ANKMY1: variants seen among roughly 807,000 people sequenced by gnomAD.
ANKMY1 encodes the protein ankyrin repeat and MYND domain containing 1.
A neutral mutation model predicts 102.0 loss-of-function variants in ANKMY1; 98 were observed. That is an observed-to-expected ratio of 0.96 (90% confidence interval 0.82 to 1.14). The LOEUF (loss-of-function observed/expected upper bound fraction) is 1.14, where lower values mean the gene tolerates loss of function less well. ANKMY1 is among the 50% of genes most tolerant of loss of function. The probability of loss-of-function intolerance (pLI) is 0.00; values close to 1 mark genes in which losing one functional copy is unlikely to be tolerated. For missense variants in ANKMY1, 1,330 were observed against 1,347.6 expected (o/e 0.99, Z 0.20); for synonymous variants, 582 against 559.9 (o/e 1.04, Z -0.56).
At chr2:240,484,522 C>T (rs1173846973) in intron 15 of ANKMY1, among the ~76,000 whole-genome samples, 1 of 152,100 alleles carries the variant, frequency 6.6e-6, no homozygotes, top group Non-Finnish European at 1.5e-5. Context: ...GAAACTGGAC[C>T]CCTTCTTTAC....
chr2:240,513,012 G>A lies in ANKMY1; in HGVS notation c.2005-70C>T. ...GGGAGAGACAGGTGAGGTACCTGAGGGACCCAAATGCCAGGGAAATGGCTG... is the reference window on the plus strand; with the variant it reads ...GGGAGAGACAGGTGAGGTACCTGAGAGACCCAAATGCCAGGGAAATGGCTG... On this transcript the variant is annotated intron_variant, in intron 9 of 17. Coordinates refer to ENST00000401804, the MANE Select transcript of ANKMY1 (RefSeq NM_001282771.3). 4.5e-6 allele frequency: 7 copies of A among 1,542,980 alleles called. No homozygotes were observed. In the Middle Eastern group the frequency reaches 5.5e-4, roughly 122 times the overall value.
At chr2:240,511,013 C>A (rs6712543) in intron 11 of ANKMY1, among the ~76,000 whole-genome samples, 1 of 151,760 alleles carries the variant, frequency 6.6e-6, no homozygotes. Flanking sequence ...CAGGGCAGAG[C>A]GCCTGGCCCC....
chr2:240,526,524 C>G, intron 5 of ANKMY1, 79 bp from the exon 6 acceptor site: 1 of 1,575,368 alleles, frequency 6.3e-7, no homozygotes, highest in Non-Finnish European at 8.6e-7. Flanking sequence ...GGACCACCTC[C>G]CTCCAATGCC....
At chr2:240,526,670 T>C (rs2152387372) in intron 5 of ANKMY1, 1 of 1,427,100 alleles carries the variant, frequency 7.0e-7, no homozygotes, top group Non-Finnish European at 9.1e-7. Context: ...TCAAGATGCT[T>C]GGGCTATATG....
At chr2:240,535,693 A>T (rs915637861) in intron 4 of ANKMY1, among the ~76,000 whole-genome samples, 1 of 152,224 alleles carries the variant, frequency 6.6e-6, no homozygotes, top group African/African-American at 2.4e-5. Context: ...CCATCTGGTA[A>T]GAATTTATGG....
At chr2:240,513,344 A>G (rs1213956331) in intron 9 of ANKMY1, among the ~76,000 whole-genome samples, 1 of 151,710 alleles carries the variant, frequency 6.6e-6, no homozygotes, top group Non-Finnish European at 1.5e-5. Context: ...TCCATTCTCC[A>G]CTCACAGTGT....
chr2:240,544,285 C>T (rs1310744439), intron 4 of ANKMY1, among the ~76,000 whole-genome samples: 1 of 152,168 alleles, frequency 6.6e-6, no homozygotes, highest in African/African-American at 2.4e-5. Context: ...AAATTTAGGA[C>T]AAATCAGAAA....
At position 240,557,388 on chromosome 2, in the gene ANKMY1, G is replaced by A. The variant is rs1553606875; in HGVS notation, c.-17-36C>T. 6 of 1,419,386 alleles carry A rather than the reference G, an allele frequency of 4.2e-6. No individual in the cohort carries two copies. In the South Asian group the frequency reaches 9.2e-5, roughly 22 times the overall value. 87.9% of individuals were successfully genotyped at this position (1,419,386 alleles called of 1,614,324 possible). A position where few individuals can be genotyped will look rare whatever the true frequency, so the allele number is the denominator to read the frequency against. On this transcript the variant is annotated intron_variant, in intron 1 of 17. Transcript: ENST00000401804. ...CGTCAGGACCGCACATGTGCCCCCA[G>A]GGCTCCCGCCGCGAACTCAGAGGGC...
chr2:240,510,922 G>A (rs1374245041), intron 11 of ANKMY1, among the ~76,000 whole-genome samples: 2 of 152,018 alleles, frequency 1.3e-5, no homozygotes, highest in African/African-American at 4.8e-5. Context: ...CCTTCACGGT[G>A]GGAGCCTTGA....
rs781721171 is a variant in ANKMY1, at chr2:240,500,576, C to A, written c.2527-11G>T. On this transcript the variant is annotated splice_polypyrimidine_tract_variant and intron_variant, in intron 13 of 17. Coordinates refer to ENST00000401804, the MANE Select transcript of ANKMY1 (RefSeq NM_001282771.3). ...GATGAGTCGGTCAATCTGTGGAGAA[C>A]AGAACCAGGTCAAACACGCAAGGAC... The A allele has an allele frequency of 1.2e-6, 2 of 1,612,290 alleles. No homozygotes were observed. Among genetic ancestry groups the A allele is most frequent in the Non-Finnish European group, 1.7e-6 (2 of 1,178,640 alleles).
chr2:240,521,491 C>CA (rs2082260706), intron 8 of ANKMY1, among the ~76,000 whole-genome samples: 1 of 69,592 alleles, frequency 1.4e-5, no homozygotes, highest in African/African-American at 6.0e-5. Flanking sequence ...GGTGTTACAG[C>CA]TTTTTTTTTT....
rs186349038 is a variant in ANKMY1, at chr2:240,510,078, C to T, written c.2287-623G>A. On this transcript the variant is annotated intron_variant, in intron 11 of 17. Transcript: ENST00000401804. ...CCTTCCCCATTCTTGCCCTCCCTGCCTCCCTGCCCCCCTGCTTCCCTGCCT... is the reference window on the plus strand; with the variant it reads ...CCTTCCCCATTCTTGCCCTCCCTGCTTCCCTGCCCCCCTGCTTCCCTGCCT... Among the ~76,000 whole-genome samples, 28 of 148,654 alleles carry T rather than the reference C, an allele frequency of 1.9e-4. No homozygotes were observed. In the East Asian group the frequency reaches 4.4e-3, roughly 24 times the overall value.
chr2:240,481,822 G>A (rs2075428360), intron 16 of ANKMY1, among the ~76,000 whole-genome samples: 4 of 152,132 alleles, frequency 2.6e-5, no homozygotes, highest in Admixed American at 2.6e-4. Context: ...GCCTCCACAG[G>A]ACATCTTGCA....
At chr2:240,503,661 C>G (rs749688133) in intron 13 of ANKMY1, among the ~76,000 whole-genome samples, 1 of 152,132 alleles carries the variant, frequency 6.6e-6, no homozygotes, top group Non-Finnish European at 1.5e-5. Context: ...CACCATGGGC[C>G]GAGGCCAAGA....
chr2:240,551,323 A>T (rs1187228841), intron 4 of ANKMY1, among the ~76,000 whole-genome samples: 1 of 152,182 alleles, frequency 6.6e-6, no homozygotes, highest in African/African-American at 2.4e-5. Context: ...TTTCTCCAGA[A>T]TTTTTAAACT....
At chr2:240,471,219 C>T in the ANKMY1 span, among the ~76,000 whole-genome samples, 2 of 151,570 alleles carry the variant, frequency 1.3e-5, 1 homozygote, top group South Asian at 4.2e-4. Context: ...GTGAGATTCC[C>T]TCAGAGAAAT....
chr2:240,523,913 T>C lies in ANKMY1; in HGVS notation c.1804A>G (p.Met602Val), dbSNP rs777929478. 40 of 1,613,576 alleles carry C rather than the reference T, an allele frequency of 2.5e-5. No homozygotes were observed. The highest frequency in any genetic ancestry group is 3.1e-5 in the Non-Finnish European group (36 of 1,180,008). Reference protein sequence around the residue: ...PCTSSFDKGTMRRMALSMIER... With the variant: ...PCTSSFDKGTVRRMALSMIER... The stretch of plus-strand genomic sequence containing the variant: ...ATCATGGACAGCGCCATCCTCCGCA[T>C]GGTCCCTTTGTCGAAGCTGCTGGTG... Residue 602 changes from methionine (M) to valine (V), a missense_variant, in exon 8 of 18, where the codon ATG (methionine) becomes GTG (valine). Met to Val is a conservative substitution (Grantham distance 21). Coordinates refer to ENST00000401804, the MANE Select transcript of ANKMY1 (RefSeq NM_001282771.3).
At chr2:240,495,404 A>C (rs1176051209) in intron 15 of ANKMY1, among the ~76,000 whole-genome samples, 1 of 145,784 alleles carries the variant, frequency 6.9e-6, no homozygotes, top group Non-Finnish European at 1.5e-5. Flanking sequence ...CTCCTGGTCC[A>C]CTTTCATGTT....
rs770703074 is a variant in ANKMY1 at position 240,481,022 on chromosome 2, G to T, written c.2961C>A (p.Tyr987Ter). 3.7e-6 allele frequency: 6 copies of T among 1,613,988 alleles called. No individual in the cohort carries two copies. The highest frequency in any genetic ancestry group is 3.3e-5 in the Admixed American group (2 of 60,018). ...AGTACTTGCTGCAGGTCAGGATCCC[G>T]TAGCAGCGAGGGCAGGGCAAGAGGC... ...GVRLLPCPRC[Y>*]GILTCSKYCK... Residue 987 changes from tyrosine (Y) to a stop codon, truncating the protein, a stop_gained, in exon 17 of 18, where the codon TAC becomes TAA. Transcript: ENST00000401804. LOFTEE classifies it high-confidence loss of function.
Sources: allele counts gnomAD v4.1 joint callset (sites outside exome capture counted in the v4.1 genomes callset), GRCh38; gene constraint gnomAD v4.1.1; transcripts MANE v1.5; gene names NCBI Gene and HGNC (gene_info 2026-07-23, HGNC 2026-07-21).